MXD4: variants seen among roughly 807,000 people sequenced by gnomAD.
MXD4 encodes the protein MAX dimerization protein 4.
A neutral mutation model predicts 24.5 loss-of-function variants in MXD4; 16 were observed. That is an observed-to-expected ratio of 0.65 (90% CI 0.44 to 0.99). The LOEUF (loss-of-function observed/expected upper bound fraction) is 0.99, where lower values mean the gene tolerates loss of function less well. Ranked by LOEUF, MXD4 falls within the 50% of genes least tolerant of loss-of-function variation. MXD4 has a pLI of 0.00. For missense variants in MXD4, 301 were observed against 301.5 expected, an observed-to-expected ratio of 1.00 and a Z score of 0.01; for synonymous variants, 164 against 134.2, an observed-to-expected ratio of 1.22 and a Z score of -1.54.
In MXD4 at chr4:2,262,009, A is replaced by T; in HGVS notation, c.-29T>A. On this transcript the variant is annotated 5_prime_UTR_variant, in exon 1 of 6. Coordinates refer to ENST00000337190, the MANE Select transcript of MXD4 (RefSeq NM_006454.3). ...CCCGCCCGCGCCCGTCCGCCCCGGG[A>T]CGGCGGCGGCCGCTGCCCGGCCCGC... The T allele has an allele frequency of 8.3e-7, 1 of 1,206,790 alleles. No individual in the cohort carries two copies. Among genetic ancestry groups the T allele is most frequent in the South Asian group, 2.4e-5 (1 of 41,090 alleles). 74.8% of individuals were successfully genotyped at this position (1,206,790 alleles called of 1,614,324 possible).
At chr4:2,254,374 A>G (rs1364066249) in intron 3 of MXD4, 1 of 152,226 alleles carries the variant, frequency 6.6e-6, no homozygotes, top group African/African-American at 2.4e-5. Context: ...GAGCAGACGC[A>G]CACAAGAGAC....
chr4:2,251,223 C>G lies in MXD4; in HGVS notation c.333G>C (p.Arg111=), dbSNP rs754134032. ...GCAGCTGCTCCTTGATGCTCAGTGC[C>G]CGGCGGTCCTGCTCCTCCAGTTTCT... The part of the protein sequence containing the change: ...HIKKLEEQDR[R]ALSIKEQLQQ... The change falls in exon 5 of 6, where the codon CGG becomes CGC. Residue 111 remains arginine (R), a synonymous_variant. Transcript: ENST00000337190. The G allele has an allele frequency of 1.2e-6, 2 of 1,605,516 alleles. No homozygotes were observed. Among genetic ancestry groups the G allele is most frequent in the South Asian group, 2.2e-5 (2 of 90,096 alleles).
Position 2,259,431 on chromosome 4 carries a change from G to A in MXD4, c.165-1420C>T, listed in dbSNP as rs115490933. Among the ~76,000 whole-genome samples the A allele has an allele frequency of 2.4e-3, 372 of 152,368 alleles. 3 individuals carry two copies. Among genetic ancestry groups the A allele is most frequent in the African/African-American group, 8.6e-3 (357 of 41,596 alleles). On this transcript the variant is annotated intron_variant, in intron 2 of 5. Transcript: ENST00000337190. ...CCATATGCTCCTCACTGGCCTCACA[G>A]AGATAGGCCCCTACGCCAGCGTTTC...
chr4:2,259,128 C>T, intron 2 of MXD4: 3 of 345,992 alleles, frequency 8.7e-6, no homozygotes, highest in South Asian at 4.1e-5. Flanking sequence ...CCTCTCCCTG[C>T]CCTCAGGACC....
chr4:2,252,358 G>C, intron 4 of MXD4, 50 bp downstream of exon 4: 1 of 1,471,128 alleles, frequency 6.8e-7, no homozygotes, highest in Non-Finnish European at 9.5e-7. Flanking sequence ...GGGCGTGCAG[G>C]GACACTGAGG....
Position 2,261,921 on chromosome 4 carries a change from A to G in MXD4, c.60T>C (p.Asp20=). The change falls in exon 1 of 6, where the codon GAT becomes GAC. Residue 20 remains aspartate (D), a synonymous_variant. Transcript: ENST00000337190. The stretch of plus-strand genomic sequence containing the variant: ...ACAATGGGGTGCGAGCGCTACCTCG[A>G]TCCCTGCGCTCCAGGTACTCGGCCG... The part of the protein sequence containing the change: ...LEAAEYLERR[D]REAEHGYASV... The G allele has an allele frequency of 6.8e-7, 1 of 1,463,260 alleles. No individual in the cohort carries two copies. The highest frequency in any genetic ancestry group is 9.0e-7 in the Non-Finnish European group (1 of 1,106,426). The allele number at this position is 1,463,260 out of a possible 1,614,324, so 90.6% of individuals were successfully genotyped here.
intron 2 of MXD4, 61 bp from the exon 3 acceptor site, chr4:2,258,072 G>A (rs559099440): frequency 7.5e-6 from 12 of 1,603,256 alleles, no homozygotes; most frequent in South Asian, 5.5e-5. Context: ...GGCACAGAGA[G>A]CAGTGCTCTC....
At chr4:2,261,295 A>G (rs1735537291) in intron 2 of MXD4, among the ~76,000 whole-genome samples, 1 of 151,882 alleles carries the variant, frequency 6.6e-6, no homozygotes, top group African/African-American at 2.4e-5. Context: ...GAGGCCGCCC[A>G]CCCACCCGCG....
intron 2 of MXD4, 26 bp from the exon 3 acceptor site, chr4:2,258,037 G>C: frequency 1.4e-5 from 23 of 1,613,376 alleles, no homozygotes; most frequent in Non-Finnish European, 1.9e-5. Flanking sequence ...GAAAGACAGA[G>C]CTCACTCTTC....
rs1394957884 is a variant in MXD4 at position 2,261,994 on chromosome 4, C to G, written c.-14G>C. Reference sequence around the variant, plus strand: ...GTTCAGCTCCATCCTCCCGCCCGCGCCCGTCCGCCCCGGGACGGCGGCGGC... The same window carrying G: ...GTTCAGCTCCATCCTCCCGCCCGCGGCCGTCCGCCCCGGGACGGCGGCGGC... On this transcript the variant is annotated 5_prime_UTR_variant, in exon 1 of 6. Transcript: ENST00000337190. The G allele has an allele frequency of 1.6e-6, 2 of 1,288,846 alleles. No individual in the cohort carries two copies. Among genetic ancestry groups the G allele is most frequent in the Admixed American group, 6.2e-5 (2 of 32,418 alleles). 79.8% of individuals were successfully genotyped at this position (1,288,846 alleles called of 1,614,324 possible). A position where few individuals can be genotyped will look rare whatever the true frequency, so the allele number is the denominator to read the frequency against.
intron 2 of MXD4, among the ~76,000 whole-genome samples, chr4:2,260,221 G>A (rs1243792725): frequency 6.6e-6 from 1 of 152,222 alleles, no homozygotes; most frequent in Non-Finnish European, 1.5e-5. Flanking sequence ...TGCCCCCATG[G>A]TCTCTGTCCC....
In MXD4 at chr4:2,250,593, C is replaced by A; in HGVS notation, c.581G>T (p.Ser194Ile). The A allele has an allele frequency of 6.2e-7, 1 of 1,611,058 alleles. No individual in the cohort carries two copies. Among genetic ancestry groups the A allele is most frequent in the Admixed American group, 1.7e-5 (1 of 59,854 alleles). ...YSLQSGTGGD[S>I]GFGPHCRRLG... ...CCGCCGGCAGTGGGGCCCGAAGCCA[C>A]TGTCGCCGCCGGTGCCACTCTGCAG... The change falls in exon 6 of 6, where the codon AGT (serine) becomes ATT (isoleucine). Residue 194 changes from serine to isoleucine, a missense_variant. Ser to Ile is a moderately radical substitution (Grantham distance 142, BLOSUM62 -2). Transcript: ENST00000337190.
intron 2 of MXD4, among the ~76,000 whole-genome samples, chr4:2,261,271 G>A (rs1735536636): frequency 6.6e-6 from 1 of 152,170 alleles, no homozygotes; most frequent in South Asian, 2.1e-4. Context: ...TCGGCTGGCA[G>A]AGCCAGTCGA....
chr4:2,261,856 G>A, intron 1 of MXD4, 32 bp from the exon 2 acceptor site: 1 of 1,364,110 alleles, frequency 7.3e-7, no homozygotes, highest in Non-Finnish European at 9.4e-7. Flanking sequence ...AGCGGCCCCC[G>A]CCCGGCACGG....
rs79055467 is a variant in MXD4 at position 2,257,628 on chromosome 4, C to T, written c.194+354G>A. Among the ~76,000 whole-genome samples the T allele has an allele frequency of 8.5e-5, 13 of 152,374 alleles. No individual in the cohort carries two copies. In the East Asian group the frequency reaches 2.1e-3, roughly 25 times the overall value. On this transcript the variant is annotated intron_variant, in intron 3 of 5. Coordinates refer to ENST00000337190, the MANE Select transcript of MXD4 (RefSeq NM_006454.3). Reference sequence around the variant, plus strand: ...AGCACGGCTTCTTGGAAGGCAGACCCCAGGATGCACAGGGCAGAGAGCCGA... The same window carrying T: ...AGCACGGCTTCTTGGAAGGCAGACCTCAGGATGCACAGGGCAGAGAGCCGA...
chr4:2,261,890 G>A (rs1735556290), intron 1 of MXD4, 27 bp downstream of exon 1: 18 of 1,419,776 alleles, frequency 1.3e-5, no homozygotes, highest in Non-Finnish European at 1.6e-5. Context: ...CCACCGCCGC[G>A]GGCGCACAAT....
intron 3 of MXD4, among the ~76,000 whole-genome samples, chr4:2,257,544 G>A (rs996293464): frequency 1.3e-5 from 2 of 152,258 alleles, no homozygotes; most frequent in African/African-American, 4.8e-5. Context: ...GCCCTAGGCT[G>A]GAGCTTCCCA....
In MXD4 at chr4:2,250,650, C is replaced by G. The variant is rs748775346; in HGVS notation, c.524G>C (p.Gly175Ala). ...GTGGTCGTCCGCGTCACTGCTGCTG[C>G]CAACACTGTCCAGCTCACCAGGGCC... is the stretch of plus-strand genomic sequence containing the variant. The part of the protein sequence containing the change: ...EFGPGELDSV[G>A]SSSDADDHYS... Residue 175 changes from glycine to alanine, a missense_variant, in exon 6 of 6, where the codon GGC (glycine) becomes GCC (alanine). Gly to Ala is a moderately conservative substitution (Grantham distance 60). Coordinates refer to ENST00000337190, the MANE Select transcript of MXD4 (RefSeq NM_006454.3). 2 of 1,613,752 alleles carry G rather than the reference C, an allele frequency of 1.2e-6. No individual in the cohort carries two copies. Among genetic ancestry groups the G allele is most frequent in the Non-Finnish European group, 8.5e-7 (1 of 1,179,968 alleles).
chr4:2,249,527 G>C lies in MXD4; in HGVS notation c.*1017C>G, dbSNP rs932134208. Reference sequence around the variant, plus strand: ...GAGCTCATGAGAAGCCCTTTCCTAAGGTGGCTCCAGGAGCCCTAACCGGGC... The same window carrying C: ...GAGCTCATGAGAAGCCCTTTCCTAACGTGGCTCCAGGAGCCCTAACCGGGC... On this transcript the variant is annotated 3_prime_UTR_variant, in exon 6 of 6. Coordinates refer to ENST00000337190, the MANE Select transcript of MXD4 (RefSeq NM_006454.3). 1.3e-5 allele frequency: 2 copies of C among 151,948 alleles called. No homozygotes were observed. Among genetic ancestry groups the C allele is most frequent in the Non-Finnish European group, 2.9e-5 (2 of 67,976 alleles). 9.4% of individuals were successfully genotyped at this position (151,948 alleles called of 1,614,324 possible).
Sources: allele counts gnomAD v4.1 joint callset (sites outside exome capture counted in the v4.1 genomes callset), GRCh38; gene constraint gnomAD v4.1.1; transcripts MANE v1.5; gene names NCBI Gene and HGNC (gene_info 2026-07-23, HGNC 2026-07-21).